RAD52: variants seen among roughly 807,000 people sequenced by gnomAD.
RAD52 encodes the protein RAD52 DNA repair protein.
RAD52 carries 47 observed loss-of-function variants against 55.5 expected under a neutral mutation model. The observed-to-expected ratio is 0.85, with a 90% CI of 0.67 to 1.08. RAD52 has a LOEUF of 1.08. Ranked by LOEUF, RAD52 falls within the 50% of genes least tolerant of loss-of-function variation. The probability of loss-of-function intolerance (pLI) is 0.00; values close to 1 mark genes in which losing one functional copy is unlikely to be tolerated. For missense variants in RAD52, 468 were observed against 522.8 expected (o/e 0.90, Z 1.02); for synonymous variants, 184 against 198.9 (o/e 0.92, Z 0.63).
At chr12:929,965 C>T in intron 4 of RAD52, 79 bp from the exon 5 acceptor site, 1 of 1,565,762 alleles carries the variant, frequency 6.4e-7, no homozygotes, top group Non-Finnish European at 8.8e-7. Flanking sequence ...GCAGCTGAGT[C>T]CACCTACCTT....
chr12:976,058 G>C (rs7967138), intron 1 of RAD52: 115,134 of 152,196 alleles, frequency 0.76, 45,904 homozygotes, highest in East Asian at 0.98. Context: ...AGTGGCTTAC[G>C]TCTGTAATCC....
Position 939,085 on chromosome 12 carries a change from T to TGTGTAG in RAD52, c.-18-6010_-18-6009insCTACAC, listed in dbSNP as rs57206780. Among the ~76,000 whole-genome samples the TGTGTAG allele has an allele frequency of 2.5e-3, 368 of 144,702 alleles. 1 individual carries two copies. Among genetic ancestry groups the TGTGTAG allele is most frequent in the African/African-American group, 5.8e-3 (225 of 38,756 alleles). The allele number at this position is 144,702 out of a possible 152,430, so 94.9% of individuals were successfully genotyped here. On this transcript the variant is annotated intron_variant, in intron 1 of 11. Transcript: ENST00000358495. The stretch of plus-strand genomic sequence containing the variant: ...GTGTGTGTGTGTGTGTGTGTGTGTG[T>TGTGTAG]AGAGAGAGAGAAAAAGGCAAGTAGA...
chr12:917,209 T>C (rs1051350343), intron 7 of RAD52, among the ~76,000 whole-genome samples: 1 of 152,216 alleles, frequency 6.6e-6, no homozygotes, highest in African/African-American at 2.4e-5. Flanking sequence ...CGCTCGTCAC[T>C]GAGGGAGCCT....
intron 1 of RAD52, among the ~76,000 whole-genome samples, chr12:961,425 A>G (rs1163236180): frequency 6.6e-6 from 1 of 152,026 alleles, no homozygotes; most frequent in East Asian, 1.9e-4. Flanking sequence ...CCTAATGTCC[A>G]ATACCTCAGA....
At position 925,841 on chromosome 12, in the gene RAD52, C is replaced by CT. The variant is rs535649586; in HGVS notation, c.468-317dup. Among the ~76,000 whole-genome samples the CT allele has an allele frequency of 6.6e-5, 10 of 151,864 alleles. No homozygotes were observed. The South Asian group carries it at 1.3e-3, about 19-fold the overall frequency. On this transcript the variant is annotated intron_variant, in intron 6 of 11. Transcript: ENST00000358495. ...GGAGAACAAACTGCAGAGAGTTTTTCTTTTTTTTCCCCCCAAAGGCTGCTC... is the reference window on the plus strand; with the variant it reads ...GGAGAACAAACTGCAGAGAGTTTTTCTTTTTTTTTCCCCCCAAAGGCTGCTC...
At chr12:920,778 C>T (rs1459456661) in intron 7 of RAD52, among the ~76,000 whole-genome samples, 1 of 152,082 alleles carries the variant, frequency 6.6e-6, no homozygotes, top group African/African-American at 2.4e-5. Context: ...AGTATTTGAA[C>T]AATACTATAG....
At position 927,281 on chromosome 12, in the gene RAD52, G is replaced by C; in HGVS notation, c.349-18C>G. On this transcript the variant is annotated intron_variant, in intron 5 of 11. Coordinates refer to ENST00000358495, the MANE Select transcript of RAD52 (RefSeq NM_134424.4). ...GAACCATCCTGGGGGCAGAAAAGGA[G>C]TTTGAACTCAAACACGAGAGCGGCA... 1 of 1,579,988 alleles carries C rather than the reference G, an allele frequency of 6.3e-7. No homozygotes were observed. Among genetic ancestry groups the C allele is most frequent in the East Asian group, 2.2e-5 (1 of 44,706 alleles).
chr12:940,277 TG>T (rs2154117315), intron 1 of RAD52, among the ~76,000 whole-genome samples: 1 of 151,920 alleles, frequency 6.6e-6, no homozygotes, highest in East Asian at 1.9e-4. Context: ...GCAAGCCTTC[TG>T]GGAAGAAGGA....
At chr12:942,455 A>G (rs1957968983) in intron 1 of RAD52, among the ~76,000 whole-genome samples, 1 of 152,172 alleles carries the variant, frequency 6.6e-6, no homozygotes, top group Admixed American at 6.6e-5. Flanking sequence ...AACTAAAACT[A>G]TAAAATTTAT....
At chr12:983,410 ATTTTTT>A (rs58498697) in intron 1 of RAD52, among the ~76,000 whole-genome samples, 17 of 121,528 alleles carry the variant, frequency 1.4e-4, no homozygotes, top group African/African-American at 5.2e-4. Flanking sequence ...TTTCCTGAAG[ATTTTTT>A]TTTTTTTTTT....
intron 1 of RAD52, among the ~76,000 whole-genome samples, chr12:934,792 G>A (rs1460486221): frequency 3.3e-5 from 5 of 152,024 alleles, no homozygotes; most frequent in Admixed American, 3.3e-4. Context: ...GGGTAGGGAA[G>A]AAAAATCAAG....
At chr12:977,134 G>C (rs905202449) in intron 1 of RAD52, 1 of 152,228 alleles carries the variant, frequency 6.6e-6, no homozygotes, top group African/African-American at 2.4e-5. Flanking sequence ...ACACATGTAA[G>C]GAACCAAGCA....
chr12:965,308 C>T (rs1216556048), intron 1 of RAD52, among the ~76,000 whole-genome samples: 3 of 151,998 alleles, frequency 2.0e-5, no homozygotes, highest in African/African-American at 7.3e-5. Flanking sequence ...AAGATTGGTA[C>T]ATGTAATTTA....
chr12:929,158 G>A (rs11571430), intron 5 of RAD52, among the ~76,000 whole-genome samples: 44,961 of 151,910 alleles, frequency 0.3, 7,170 homozygotes, highest in African/African-American at 0.41. Context: ...GAGCCACCCC[G>A]CCTAGCCAAA....
chr12:964,278 AC>A (rs1592477008), intron 1 of RAD52, among the ~76,000 whole-genome samples: 4 of 151,994 alleles, frequency 2.6e-5, no homozygotes, highest in African/African-American at 7.3e-5. Context: ...AAACAAGAAG[AC>A]TAATTATGCT....
intron 1 of RAD52, among the ~76,000 whole-genome samples, chr12:946,194 C>A (rs1199891468): frequency 6.6e-6 from 1 of 152,074 alleles, no homozygotes; most frequent in Non-Finnish European, 1.5e-5. Flanking sequence ...AGCATTTTAG[C>A]CTTATTTTAG....
intron 7 of RAD52, 77 bp from the exon 8 acceptor site, chr12:916,897 G>A (rs1189304351): frequency 3.3e-6 from 5 of 1,532,736 alleles, no homozygotes; most frequent in Admixed American, 3.8e-5. Context: ...CACAGATTGC[G>A]ATTCCTGGAA....
chr12:943,657 CTTT>C (rs925125316), intron 1 of RAD52, among the ~76,000 whole-genome samples: 5 of 151,986 alleles, frequency 3.3e-5, no homozygotes, highest in Admixed American at 1.3e-4. Context: ...CCTATTAGTT[CTTT>C]ATTTATCTTG....
rs531608153 is a variant in RAD52, at chr12:975,172, T to G, written c.-19+14637A>C. 2.1e-5 allele frequency: 3 copies of G among 142,618 alleles called. No homozygotes were observed. The South Asian group carries it at 7.2e-4, about 34-fold the overall frequency. The allele number at this position is 142,618 out of a possible 1,614,324, so 8.8% of individuals were successfully genotyped here. A position where few individuals can be genotyped will look rare whatever the true frequency, so the allele number is the denominator to read the frequency against. On this transcript the variant is annotated intron_variant, in intron 1 of 11. Coordinates refer to the RAD52 transcript ENST00000430095. ...AAAAACATAATATGTATATAGGGTT[T>G]GGTACTATCCATGGTTTCAATCATC...
Sources: allele counts gnomAD v4.1 joint callset (sites outside exome capture counted in the v4.1 genomes callset), GRCh38; gene constraint gnomAD v4.1.1; transcripts MANE v1.5; gene names NCBI Gene and HGNC (gene_info 2026-07-23, HGNC 2026-07-21).